Variants in KCNU1 observed in about 807,000 individuals in gnomAD.
KCNU1 encodes the protein potassium calcium-activated channel subfamily U member 1.
KCNU1 carries 93 observed loss-of-function variants against 126.8 expected under a neutral mutation model. The ratio of observed to expected loss-of-function variants is 0.73; its 90% CI spans 0.62 to 0.87. KCNU1 has a LOEUF of 0.87. KCNU1 is among the 40% of genes least tolerant of loss of function. The pLI, the probability that KCNU1 is intolerant of heterozygous loss-of-function variation, is 0.00. For missense variants in KCNU1, 1,330 were observed against 1,367.1 expected, an observed-to-expected ratio of 0.97 and a Z score of 0.43; for synonymous variants, 523 against 494.2, an observed-to-expected ratio of 1.06 and a Z score of -0.77.
At chr8:36,879,102 T>C (rs1035104339) in intron 19 of KCNU1, among the ~76,000 whole-genome samples, 1 of 147,008 alleles carries the variant, frequency 6.8e-6, no homozygotes, top group Non-Finnish European at 1.5e-5. Context: ...ATGGCTTGGG[T>C]ATTTCTTGCA....
Position 36,840,460 on chromosome 8 carries a change from C to T in KCNU1, c.1519-3C>T. 1 of 1,477,964 alleles carries T rather than the reference C, an allele frequency of 6.8e-7. No homozygotes were observed. The highest frequency in any genetic ancestry group is 9.4e-7 in the Non-Finnish European group (1 of 1,059,042). The allele number at this position is 1,477,964 out of a possible 1,614,324, so 91.6% of individuals were successfully genotyped here. Reference sequence around the variant, plus strand: ...CTTCGTGTGGCATGATTATGTATTCCAGGTTATGCCTAAACAGACCTGGAA... The same window carrying T: ...CTTCGTGTGGCATGATTATGTATTCTAGGTTATGCCTAAACAGACCTGGAA... On this transcript the variant is annotated splice_region_variant and splice_polypyrimidine_tract_variant and intron_variant, in intron 14 of 26. Coordinates refer to ENST00000399881, the MANE Select transcript of KCNU1 (RefSeq NM_001031836.3).
chr8:36,933,068 T>C, intron 26 of KCNU1, 36 bp downstream of exon 26: 1 of 1,256,950 alleles, frequency 8.0e-7, no homozygotes, highest in Non-Finnish European at 1.1e-6. Flanking sequence ...CATCCACCCA[T>C]TCAAGCATAA....
At chr8:36,870,014 A>C (rs903922142) in intron 19 of KCNU1, among the ~76,000 whole-genome samples, 2 of 152,118 alleles carry the variant, frequency 1.3e-5, no homozygotes, top group Non-Finnish European at 2.9e-5. Context: ...AGTAGTTACC[A>C]TTGGTAAGGT....
At chr8:36,846,039 C>T (rs1805132105) in intron 18 of KCNU1, 140 bp downstream of exon 18, 3 of 619,006 alleles carry the variant, frequency 4.8e-6, no homozygotes, top group South Asian at 1.9e-5. Flanking sequence ...TCACTGACCA[C>T]ACAAGAGGTG....
intron 10 of KCNU1, among the ~76,000 whole-genome samples, chr8:36,831,747 G>T (rs1238295794): frequency 6.7e-6 from 1 of 149,160 alleles, no homozygotes; most frequent in Non-Finnish European, 1.5e-5. Context: ...TTGCTGTGCA[G>T]AAGCTCTTTA....
chr8:36,856,010 A>C (rs1448456530), intron 18 of KCNU1, among the ~76,000 whole-genome samples: 1 of 152,190 alleles, frequency 6.6e-6, no homozygotes, highest in Non-Finnish European at 1.5e-5. Flanking sequence ...CTGGGTAGAC[A>C]CATATTAATA....
At chr8:36,888,360 AG>A in intron 19 of KCNU1, 1 of 351,510 alleles carries the variant, frequency 2.8e-6, no homozygotes, top group Non-Finnish European at 5.6e-6. Flanking sequence ...CAGTGTGAAA[AG>A]GAGAGTAGCT....
chr8:36,797,611 C>T (rs1274382281), intron 2 of KCNU1, among the ~76,000 whole-genome samples: 1 of 151,012 alleles, frequency 6.6e-6, no homozygotes, highest in Non-Finnish European at 1.5e-5. Context: ...ACATAACACA[C>T]TATTTCTTTC....
chr8:36,828,435 C>T (rs1188611166), intron 10 of KCNU1, among the ~76,000 whole-genome samples: 1 of 152,046 alleles, frequency 6.6e-6, no homozygotes, highest in East Asian at 1.9e-4. Flanking sequence ...TTTCTTTCTC[C>T]TATGTTTTAT....
intron 19 of KCNU1, among the ~76,000 whole-genome samples, chr8:36,890,551 A>T (rs76441630): frequency 6.6e-6 from 1 of 152,048 alleles, no homozygotes; most frequent in Non-Finnish European, 1.5e-5. Context: ...AAATGAAATC[A>T]TATAAAATGC....
At chr8:36,798,145 G>A (rs533694301) in intron 2 of KCNU1, among the ~76,000 whole-genome samples, 1 of 152,112 alleles carries the variant, frequency 6.6e-6, no homozygotes, top group Admixed American at 6.5e-5. Flanking sequence ...AGCTCACAGT[G>A]TCTCTGCAGA....
chr8:36,910,978 T>C lies in KCNU1; in HGVS notation c.2380T>C (p.Cys794Arg). ...GDLHAANIEQ[C>R]SMCAVLSPPP... The stretch of plus-strand genomic sequence containing the variant: ...CCTCCATGCGGCCAACATAGAGCAA[T>C]GCTCCATGTGTGCTGTCTTGTCCCC... The change falls in exon 22 of 27, where the codon TGC becomes CGC. Residue 794 changes from cysteine to arginine, a missense_variant. Cys to Arg is a radical substitution (Grantham distance 180). Around this residue, in one of 3 missense-constraint regions of KCNU1, gnomAD observed 1,054 missense variants for 1,053.9 expected, o/e 1.00. Transcript: ENST00000399881. 1 of 1,613,650 alleles carries C rather than the reference T, an allele frequency of 6.2e-7. No homozygotes were observed. The highest frequency in any genetic ancestry group is 1.3e-5 in the African/African-American group (1 of 74,962).
intron 18 of KCNU1, among the ~76,000 whole-genome samples, chr8:36,855,127 C>A (rs1357329812): frequency 6.6e-6 from 1 of 152,092 alleles, no homozygotes. Flanking sequence ...TTTGGAACTT[C>A]TCAGGCCTTT....
chr8:36,823,729 G>C (rs980550798), intron 10 of KCNU1, among the ~76,000 whole-genome samples: 7 of 151,240 alleles, frequency 4.6e-5, no homozygotes, highest in Non-Finnish European at 8.8e-5. Context: ...AGTTGAGTGA[G>C]AAATTTCTAA....
intron 25 of KCNU1, among the ~76,000 whole-genome samples, chr8:36,932,526 T>G (rs1293942466): frequency 1.3e-5 from 2 of 152,052 alleles, no homozygotes; most frequent in Non-Finnish European, 2.9e-5. Context: ...GTGATCTGTT[T>G]TACAGTAGGG....
At chr8:36,847,244 T>C (rs955268946) in intron 18 of KCNU1, among the ~76,000 whole-genome samples, 2 of 152,256 alleles carry the variant, frequency 1.3e-5, no homozygotes, top group Non-Finnish European at 2.9e-5. Context: ...TCACATGTAA[T>C]AATTGCATAT....
Position 36,935,867 on chromosome 8 carries a change from A to G in KCNU1, c.3397A>G (p.Thr1133Ala). Residue 1133 changes from threonine (T) to alanine (A), a missense_variant, in exon 27 of 27, where the codon ACT becomes GCT. Thr to Ala is a moderately conservative substitution (Grantham distance 58). Coordinates refer to ENST00000399881, the MANE Select transcript of KCNU1 (RefSeq NM_001031836.3). ...GDNAKENERK[T>A]SDEVYDEDPF... is the part of the protein sequence containing the mutation. Reference sequence around the variant, plus strand: ...CAATGCAAAAGAAAATGAAAGGAAAACTTCAGATGAGGTTTATGATGAGGA... The same window carrying G: ...CAATGCAAAAGAAAATGAAAGGAAAGCTTCAGATGAGGTTTATGATGAGGA... 6.2e-7 allele frequency: 1 copy of G among 1,611,376 alleles called. No individual in the cohort carries two copies. The highest frequency in any genetic ancestry group is 8.5e-7 in the Non-Finnish European group (1 of 1,178,712).
At chr8:36,829,693 T>C (rs1804459120) in intron 10 of KCNU1, among the ~76,000 whole-genome samples, 1 of 151,318 alleles carries the variant, frequency 6.6e-6, no homozygotes, top group Non-Finnish European at 1.5e-5. Flanking sequence ...CGAATCTAAT[T>C]GAAAGTTTAG....
chr8:36,807,538 C>T, intron 6 of KCNU1, 88 bp downstream of exon 6: 3 of 947,264 alleles, frequency 3.2e-6, no homozygotes, highest in Non-Finnish European at 5.1e-6. Context: ...CAATGCATTT[C>T]TTATCAGAAT....
Sources: allele counts gnomAD v4.1 joint callset (sites outside exome capture counted in the v4.1 genomes callset), GRCh38; gene constraint gnomAD v4.1.1; regional missense constraint gnomAD v4.1.1; transcripts MANE v1.5; gene names NCBI Gene and HGNC (gene_info 2026-07-23, HGNC 2026-07-21).